Variants in FURIN observed in about 807,000 individuals in gnomAD.
The protein encoded by FURIN is FES upstream region.
FURIN carries 18 observed loss-of-function variants against 89.2 expected under a neutral mutation model. The ratio of observed to expected loss-of-function variants is 0.20; its 90% CI spans 0.14 to 0.30. The LOEUF is 0.30. Ranked by LOEUF, FURIN falls within the 10% of genes least tolerant of loss-of-function variation. FURIN has a pLI of 1.00. For missense variants in FURIN, 879 were observed against 1,100.5 expected, an observed-to-expected ratio of 0.80 and a Z score of 2.85; for synonymous variants, 508 against 466.4, an observed-to-expected ratio of 1.09 and a Z score of -1.15.
chr15:90,877,578 C>A lies in FURIN; in HGVS notation c.630C>A (p.Val210=). Residue 210 remains valine, a synonymous_variant, in exon 7 of 16, where the codon GTC becomes GTA. Coordinates refer to ENST00000268171, the MANE Select transcript of FURIN (RefSeq NM_002569.4). ...GEVAAVANNG[V]CGVGVAYNAR... is the part of the protein sequence containing the mutation. ...TGGCTGCGGTGGCCAACAACGGTGT[C>A]TGTGGTGTAGGTGTGGCCTACAACG... is the stretch of plus-strand genomic sequence containing the variant. 1 of 1,578,726 alleles carries A rather than the reference C, an allele frequency of 6.3e-7. No homozygotes were observed. Among genetic ancestry groups the A allele is most frequent in the Admixed American group, 1.8e-5 (1 of 54,556 alleles).
rs370641172 is a variant in FURIN at position 90,881,669 on chromosome 15, G to C, written c.2176G>C (p.Val726Leu). 1.1e-5 allele frequency: 17 copies of C among 1,586,030 alleles called. No homozygotes were observed. The African/African-American group carries it at 2.3e-4, about 21-fold the overall frequency. ...VVAGLSCAFI[V>L]LVFVTVFLVL... is the part of the protein sequence containing the mutation. ...GGCCGGCCTCAGCTGCGCCTTCATCGTGCTGGTCTTCGTCACTGTCTTCCT... is the reference window on the plus strand; with the variant it reads ...GGCCGGCCTCAGCTGCGCCTTCATCCTGCTGGTCTTCGTCACTGTCTTCCT... The change falls in exon 16 of 16, where the codon GTG (valine) becomes CTG (leucine). Residue 726 changes from valine to leucine, a missense_variant. Physicochemically the swap from Val to Leu is conservative, Grantham distance 32 (BLOSUM62 1). Transcript: ENST00000268171. This position sits in a 1 kb window ranked among gnomAD's most constrained non-coding sequence, Gnocchi z 4.3.
rs1290768301 is a variant in FURIN, at chr15:90,878,137, C to T, written c.673C>T (p.Arg225Cys). 1.2e-6 allele frequency: 2 copies of T among 1,613,668 alleles called. No homozygotes were observed. Among genetic ancestry groups the T allele is most frequent in the Non-Finnish European group, 1.7e-6 (2 of 1,179,970 alleles). The change falls in exon 8 of 16, where the codon CGC becomes TGC. Residue 225 changes from arginine (R) to cysteine (C), a missense_variant. Transcript: ENST00000268171. The part of the protein sequence containing the change: ...VAYNARIGGV[R>C]MLDGEVTDAV... The stretch of plus-strand genomic sequence containing the variant: ...TGCCCCCCCTTCACGGCCAGGGGTG[C>T]GCATGCTGGATGGCGAGGTGACAGA...
Position 90,881,611 on chromosome 15 carries a change from A to G in FURIN, c.2118A>G (p.Ala706=). The G allele has an allele frequency of 6.2e-7, 1 of 1,602,368 alleles. No homozygotes were observed. Among genetic ancestry groups the G allele is most frequent in the Non-Finnish European group, 8.5e-7 (1 of 1,172,822 alleles). Residue 706 remains alanine, a synonymous_variant, in exon 16 of 16, where the codon GCA becomes GCG. Coordinates refer to ENST00000268171, the MANE Select transcript of FURIN (RefSeq NM_002569.4). This position sits in a 1 kb window ranked among gnomAD's most constrained non-coding sequence, Gnocchi z 4.3. ...TGGAGGCGGGGCAACGGCTGCGGGC[A>G]GGGCTGCTGCCCTCACACCTGCCTG... ...PEVEAGQRLR[A]GLLPSHLPEV... is the part of the protein sequence containing the mutation.
chr15:90,870,920 G>T (rs2031253889), intron 1 of FURIN, among the ~76,000 whole-genome samples: 1 of 152,200 alleles, frequency 6.6e-6, no homozygotes, highest in South Asian at 2.1e-4. Context: ...AATGTAAAGT[G>T]ACTGGCCTGG....
chr15:90,880,763 C>G lies in FURIN; in HGVS notation c.1629C>G (p.Pro543=), dbSNP rs1258038452. Reference sequence around the variant, plus strand: ...CAACTCATTCCTGGGATGAGGATCCCTCTGGCGAGTGGGTCCTAGAGATTG... The same window carrying G: ...CAACTCATTCCTGGGATGAGGATCCGTCTGGCGAGTGGGTCCTAGAGATTG... ...FMTTHSWDED[P]SGEWVLEIEN... Residue 543 remains proline (P), a synonymous_variant, in exon 14 of 16, where the codon CCC becomes CCG. Transcript: ENST00000268171. 2 of 1,613,998 alleles carry G rather than the reference C, an allele frequency of 1.2e-6. No individual in the cohort carries two copies. The highest frequency in any genetic ancestry group is 3.3e-5 in the Admixed American group (2 of 60,010).
chr15:90,878,376 G>T, intron 8 of FURIN, 72 bp downstream of exon 8: 2 of 1,292,942 alleles, frequency 1.5e-6, no homozygotes. Context: ...TGTGTTTTTT[G>T]GTTTGTTTTA....
Position 90,881,480 on chromosome 15 carries a change from C to G in FURIN, c.1987C>G (p.Pro663Ala), listed in dbSNP as rs1417952545. Residue 663 changes from proline (P) to alanine (A), a missense_variant, in exon 16 of 16, where the codon CCC (proline) becomes GCC (alanine). By Grantham distance (27) the Pro-to-Ala change is conservative. Around this residue, in one of 5 missense-constraint regions of FURIN, gnomAD observed 457 missense variants for 490.7 expected, o/e 0.93. Transcript: ENST00000268171. This position sits in a 1 kb window ranked among gnomAD's most constrained non-coding sequence, Gnocchi z 4.3. ...GPALTDCLSC[P>A]SHASLDPVEQ... ...GGCCCTGACAGACTGCCTCAGCTGC[C>G]CCAGCCACGCCTCCTTGGACCCTGT... 1 of 1,612,176 alleles carries G rather than the reference C, an allele frequency of 6.2e-7. No individual in the cohort carries two copies. Among genetic ancestry groups the G allele is most frequent in the Non-Finnish European group, 8.5e-7 (1 of 1,179,766 alleles).
intron 7 of FURIN, 89 bp from the exon 8 acceptor site, chr15:90,878,043 G>A: frequency 7.9e-7 from 1 of 1,271,968 alleles, no homozygotes; most frequent in Non-Finnish European, 1.1e-6. Context: ...CATCCCCTGG[G>A]GTGCAGGGCT....
chr15:90,876,460 A>C lies in FURIN; in HGVS notation c.277-2A>C. On this transcript the variant is annotated splice_acceptor_variant, in intron 3 of 15. Coordinates refer to ENST00000268171, the MANE Select transcript of FURIN (RefSeq NM_002569.4). LOFTEE classifies it high-confidence loss of function. The surrounding 1 kb of genome is among the most constrained non-coding windows in gnomAD (Gnocchi z 5.0). ...CACCATCTCTCCCTCACTCCCCCACAGGTACAGTGGCTGGAACAGCAGGTG... is the reference window on the plus strand; with the variant it reads ...CACCATCTCTCCCTCACTCCCCCACCGGTACAGTGGCTGGAACAGCAGGTG... 1 of 1,608,180 alleles carries C rather than the reference A, an allele frequency of 6.2e-7. No individual in the cohort carries two copies. Among genetic ancestry groups the C allele is most frequent in the Non-Finnish European group, 8.5e-7 (1 of 1,175,046 alleles).
At chr15:90,878,029 TACTC>T in intron 7 of FURIN, 99 bp from the exon 8 acceptor site, 3 of 1,102,192 alleles carry the variant, frequency 2.7e-6, no homozygotes, top group Non-Finnish European at 2.7e-6. Context: ...ACCCTTCCCT[TACTC>T]ATCCCCTGGG....
chr15:90,869,530 G>A (rs1480953408), intron 1 of FURIN, among the ~76,000 whole-genome samples: 2 of 152,232 alleles, frequency 1.3e-5, no homozygotes, highest in Non-Finnish European at 2.9e-5. Flanking sequence ...GTGAAGCAGA[G>A]AGAGGTGCTC....
At chr15:90,870,491 C>A (rs1044744994) in intron 1 of FURIN, among the ~76,000 whole-genome samples, 3 of 151,904 alleles carry the variant, frequency 2.0e-5, no homozygotes, top group Non-Finnish European at 4.4e-5. Flanking sequence ...TCCCATTACC[C>A]GGGAACCTGT....
rs1271246721 is a variant in FURIN at position 90,881,388 on chromosome 15, A to G, written c.1895A>G (p.Asp632Gly). Residue 632 changes from aspartate to glycine, a missense_variant, in exon 16 of 16, where the codon GAC becomes GGC. Physicochemically the swap from Asp to Gly is moderately conservative, Grantham distance 94. Transcript: ENST00000268171. This position sits in a 1 kb window ranked among gnomAD's most constrained non-coding sequence, Gnocchi z 4.3. Reference sequence around the variant, plus strand: ...GATACGCACTATAGCACCGAGAATGACGTGGAGACCATCCGGGCCAGCGTC... The same window carrying G: ...GATACGCACTATAGCACCGAGAATGGCGTGGAGACCATCCGGGCCAGCGTC... ...VLDTHYSTEN[D>G]VETIRASVCA... 6.2e-7 allele frequency: 1 copy of G among 1,612,756 alleles called. No individual in the cohort carries two copies. Among genetic ancestry groups the G allele is most frequent in the Non-Finnish European group, 8.5e-7 (1 of 1,179,912 alleles).
intron 9 of FURIN, 138 bp downstream of exon 9, chr15:90,879,114 C>T: frequency 1.6e-6 from 1 of 631,266 alleles, no homozygotes. Context: ...AACATGAACT[C>T]TGGGGCTCTG....
At chr15:90,871,236 G>A (rs1024910575) in intron 1 of FURIN, among the ~76,000 whole-genome samples, 2 of 152,160 alleles carry the variant, frequency 1.3e-5, no homozygotes, top group Admixed American at 6.5e-5. Flanking sequence ...GGCAGGGCTC[G>A]GAGTGCCTCC....
intron 1 of FURIN, among the ~76,000 whole-genome samples, chr15:90,873,507 G>T (rs1162906797): frequency 6.6e-6 from 1 of 152,112 alleles, no homozygotes; most frequent in Non-Finnish European, 1.5e-5. Context: ...GCAGGGGGGT[G>T]GTTGCATGAC....
At chr15:90,878,336 C>T in intron 8 of FURIN, 32 bp downstream of exon 8, 1 of 1,530,016 alleles carries the variant, frequency 6.5e-7, no homozygotes, top group South Asian at 1.2e-5. Context: ...CCCCTGCGGG[C>T]AGGTTGGGTG....
intron 1 of FURIN, among the ~76,000 whole-genome samples, chr15:90,869,924 CTCAG>C (rs2031210002): frequency 6.6e-6 from 1 of 152,252 alleles, no homozygotes; most frequent in Non-Finnish European, 1.5e-5. Flanking sequence ...CACTTCCTGC[CTCAG>C]TCTGACTGCT....
At position 90,881,267 on chromosome 15, in the gene FURIN, C is replaced by A; in HGVS notation, c.1793-19C>A. The A allele has an allele frequency of 6.4e-7, 1 of 1,558,094 alleles. No homozygotes were observed. The stretch of plus-strand genomic sequence containing the variant: ...TCTGTTTAGCTGACACACACTTGCC[C>A]TCTCTCCCACGCCGGCAGTGTGCGA... On this transcript the variant is annotated intron_variant, in intron 15 of 15. Transcript: ENST00000268171. This position sits in a 1 kb window ranked among gnomAD's most constrained non-coding sequence, Gnocchi z 4.3.
Sources: allele counts gnomAD v4.1 joint callset (sites outside exome capture counted in the v4.1 genomes callset), GRCh38; gene constraint gnomAD v4.1.1; regional missense constraint gnomAD v4.1.1; non-coding constraint Gnocchi (gnomAD v3.1); transcripts MANE v1.5; gene names NCBI Gene and HGNC (gene_info 2026-07-23, HGNC 2026-07-21).